The following ABCE1 variants were observed in gnomAD, a reference collection of about 807,000 sequenced individuals.
ABCE1 encodes ATP-binding cassette sub-family E member 1.
A neutral mutation model predicts 83.4 loss-of-function variants in ABCE1; 22 were observed. The ratio of observed to expected loss-of-function variants is 0.26; its 90% CI spans 0.19 to 0.38. The LOEUF (loss-of-function observed/expected upper bound fraction) is 0.38, where lower values mean the gene tolerates loss of function less well. Ranked by LOEUF, ABCE1 falls within the 10% of genes least tolerant of loss-of-function variation. ABCE1 has a pLI of 1.00. For missense variants in ABCE1, 330 were observed against 721.9 expected (o/e 0.46, Z 6.22); for synonymous variants, 204 against 233.7 (o/e 0.87, Z 1.16).
At chr4:145,108,791 C>G (rs755593195) in intron 4 of ABCE1, among the ~76,000 whole-genome samples, 8 of 152,064 alleles carry the variant, frequency 5.3e-5, no homozygotes, top group Non-Finnish European at 1.2e-4. Context: ...AATTTTGTAC[C>G]AAAGCATTTT....
intron 9 of ABCE1, among the ~76,000 whole-genome samples, chr4:145,116,397 ATTG>A (rs994519393): frequency 1.3e-5 from 2 of 151,936 alleles, no homozygotes; most frequent in African/African-American, 2.4e-5. Context: ...AACACAAGAC[ATTG>A]TTGAGAAGGA....
At chr4:145,123,942 A>G (rs1749808659) in intron 16 of ABCE1, 1 of 167,194 alleles carries the variant, frequency 6.0e-6, no homozygotes, top group Admixed American at 5.7e-5. Context: ...AGAAAAAGAA[A>G]ACAAGATTAA....
At chr4:145,104,067 GTTGTT>G (rs1398840370) in intron 1 of ABCE1, among the ~76,000 whole-genome samples, 2 of 151,884 alleles carry the variant, frequency 1.3e-5, no homozygotes, top group Non-Finnish European at 2.9e-5. Context: ...ATCATTTGGT[GTTGTT>G]TTAAAGTTTT....
At position 145,110,451 on chromosome 4, in the gene ABCE1, G is replaced by A. The variant is rs111590771; in HGVS notation, c.613+7G>A. 2.5e-6 allele frequency: 4 copies of A among 1,610,804 alleles called. No individual in the cohort carries two copies. Among genetic ancestry groups the A allele is most frequent in the Non-Finnish European group, 3.4e-6 (4 of 1,179,200 alleles). Reference sequence around the variant, plus strand: ...ATTGTATGTCAGCAGCTTGGTAAGTGTTTATTTTTTGTTTGTGTGAATATA... The same window carrying A: ...ATTGTATGTCAGCAGCTTGGTAAGTATTTATTTTTTGTTTGTGTGAATATA... On this transcript the variant is annotated splice_region_variant and intron_variant, in intron 7 of 17. Coordinates refer to ENST00000296577, the MANE Select transcript of ABCE1 (RefSeq NM_002940.3).
At chr4:145,110,005 G>A in intron 5 of ABCE1, 98 bp from the exon 6 acceptor site, 3 of 1,117,940 alleles carry the variant, frequency 2.7e-6, no homozygotes, top group Non-Finnish European at 3.7e-6. Context: ...AGCCACAAGT[G>A]TTCTATTTGC....
chr4:145,103,526 A>C (rs1429914959), intron 1 of ABCE1, among the ~76,000 whole-genome samples: 1 of 152,222 alleles, frequency 6.6e-6, no homozygotes, highest in Non-Finnish European at 1.5e-5. Context: ...AAGCTTTAAA[A>C]GTGAGCATAG....
At chr4:145,104,581 A>G in intron 2 of ABCE1, 66 bp downstream of exon 2, 2 of 1,067,594 alleles carry the variant, frequency 1.9e-6, no homozygotes, top group Non-Finnish European at 2.6e-6. Flanking sequence ...TGGTTTGATA[A>G]TTCTTTACGG....
chr4:145,121,884 AAAAAT>A (rs1374173337), intron 13 of ABCE1: 1 of 152,368 alleles, frequency 6.6e-6, no homozygotes, highest in African/African-American at 2.4e-5. Context: ...AAAAAAATAA[AAAAAT>A]AAAGATGTTT....
Position 145,127,787 on chromosome 4 carries a change from C to T in ABCE1, c.*214C>T. 2.4e-6 allele frequency: 1 copy of T among 410,074 alleles called. No homozygotes were observed. Among genetic ancestry groups the T allele is most frequent in the Non-Finnish European group, 4.3e-6 (1 of 234,692 alleles). 25.4% of individuals were successfully genotyped at this position (410,074 alleles called of 1,614,324 possible). ...CTGTTCCTGAAGAGGCTCTTTTGTG[C>T]ATAATATTCTAAAATGAAGACATTT... On this transcript the variant is annotated 3_prime_UTR_variant, in exon 18 of 18. Transcript: ENST00000296577.
chr4:145,106,531 TTC>T (rs1051055623), intron 3 of ABCE1, among the ~76,000 whole-genome samples: 53 of 152,190 alleles, frequency 3.5e-4, no homozygotes, highest in African/African-American at 1.2e-3. Flanking sequence ...CTATTCTGTT[TTC>T]TCTCTTTGTG....
chr4:145,109,782 G>T (rs540533747), intron 5 of ABCE1, among the ~76,000 whole-genome samples: 1 of 152,240 alleles, frequency 6.6e-6, no homozygotes, highest in South Asian at 2.1e-4. Flanking sequence ...TATCCAGAAA[G>T]ATATCTTGGA....
At chr4:145,113,586 G>C (rs1363212930) in intron 9 of ABCE1, among the ~76,000 whole-genome samples, 1 of 152,132 alleles carries the variant, frequency 6.6e-6, no homozygotes, top group African/African-American at 2.4e-5. Flanking sequence ...ATTAGAGGAG[G>C]AAACGGTCCG....
intron 1 of ABCE1, among the ~76,000 whole-genome samples, chr4:145,100,292 T>C (rs1484803548): frequency 6.6e-6 from 1 of 152,220 alleles, no homozygotes; most frequent in African/African-American, 2.4e-5. Flanking sequence ...AGTCCCAGTC[T>C]GTAGTGTCCT....
intron 17 of ABCE1, 124 bp from the exon 18 acceptor site, chr4:145,127,402 T>C (rs4148234): frequency 0.33 from 251,822 of 753,854 alleles, 45,805 homozygotes; most frequent in Non-Finnish European, 0.38. Flanking sequence ...ACAGATGGTA[T>C]GTGCAGAACA....
rs1749941437 is a variant in ABCE1 at position 145,128,053 on chromosome 4, GTTTGT to G, written c.*484_*488del. On this transcript the variant is annotated 3_prime_UTR_variant, in exon 18 of 18. Coordinates refer to ENST00000296577, the MANE Select transcript of ABCE1 (RefSeq NM_002940.3). Reference sequence around the variant, plus strand: ...AATAAACATCAGGATTATGTTTATTGTTTGTTTTCAGTCTTTGCACTATATTACCA... The same window carrying G: ...AATAAACATCAGGATTATGTTTATTGTTTCAGTCTTTGCACTATATTACCA... 1 of 152,854 alleles carries G rather than the reference GTTTGT, an allele frequency of 6.5e-6. No homozygotes were observed. Among genetic ancestry groups the G allele is most frequent in the East Asian group, 1.9e-4 (1 of 5,208 alleles). 9.5% of individuals were successfully genotyped at this position (152,854 alleles called of 1,614,324 possible).
intron 3 of ABCE1, 65 bp from the exon 4 acceptor site, chr4:145,107,950 C>A: frequency 8.5e-7 from 1 of 1,178,556 alleles, no homozygotes; most frequent in South Asian, 1.5e-5. Context: ...ATTTTTAATC[C>A]ATTTTAGTTA....
chr4:145,110,527 G>A (rs1749440490), intron 7 of ABCE1, 83 bp downstream of exon 7: 3 of 1,320,162 alleles, frequency 2.3e-6, no homozygotes, highest in Middle Eastern at 2.6e-4. Context: ...CCAGGCTGGG[G>A]TGCAATGATG....
rs998739257 is a variant in ABCE1, at chr4:145,128,905, TA to T, written c.*1338del. The T allele has an allele frequency of 3.9e-5, 6 of 152,180 alleles. No individual in the cohort carries two copies. Among genetic ancestry groups the T allele is most frequent in the African/African-American group, 1.4e-4 (6 of 41,452 alleles). 9.4% of individuals were successfully genotyped at this position (152,180 alleles called of 1,614,324 possible). A position where few individuals can be genotyped will look rare whatever the true frequency, so the allele number is the denominator to read the frequency against. The stretch of plus-strand genomic sequence containing the variant: ...TTCAGTAACCCATAAATACATGTTG[TA>T]AAAAATTCAAATATACAGAATGGAA... On this transcript the variant is annotated 3_prime_UTR_variant, in exon 18 of 18. Transcript: ENST00000296577.
chr4:145,107,588 A>T (rs1160767200), intron 3 of ABCE1, among the ~76,000 whole-genome samples: 2 of 152,248 alleles, frequency 1.3e-5, no homozygotes, highest in Admixed American at 1.3e-4. Flanking sequence ...ATCAAGTTAC[A>T]GTTGACCCAT....
Sources: allele counts gnomAD v4.1 joint callset (sites outside exome capture counted in the v4.1 genomes callset), GRCh38; gene constraint gnomAD v4.1.1; transcripts MANE v1.5; gene names NCBI Gene and HGNC (gene_info 2026-07-23, HGNC 2026-07-21).